The following AKR7A2 variants were observed in gnomAD, a reference collection of about 807,000 sequenced individuals.
The protein encoded by AKR7A2 is aldo-keto reductase family 7 member A2, also known as aflatoxin B1 aldehyde reductase member 2.
Under a neutral mutation model 37.3 loss-of-function variants are expected in AKR7A2, and 29 were observed. The observed-to-expected ratio is 0.78, with a 90% CI of 0.58 to 1.06. The LOEUF (loss-of-function observed/expected upper bound fraction) is 1.06. Among genes scored for constraint, AKR7A2 ranks in the 50% least tolerant of loss-of-function variants. The pLI, the probability that AKR7A2 is intolerant of heterozygous loss-of-function variation, is 0.00. For missense variants in AKR7A2, 529 were observed against 497.9 expected (o/e 1.06, Z -0.59); for synonymous variants, 228 against 217.8 (o/e 1.05, Z -0.41).
At chr1:19,306,858 G>C (rs2093762490) in intron 5 of AKR7A2, 144 bp downstream of exon 5, 1 of 751,730 alleles carries the variant, frequency 1.3e-6, no homozygotes, top group East Asian at 2.6e-5. Context: ...AAAACCCACA[G>C]AGGGCTTGGG....
At chr1:19,306,395 A>C (rs2093761722) in intron 5 of AKR7A2, among the ~76,000 whole-genome samples, 1 of 152,106 alleles carries the variant, frequency 6.6e-6, no homozygotes, top group Admixed American at 6.6e-5. Context: ...TTCCCTAGGG[A>C]CACGAAGGCT....
At chr1:19,311,715 G>T in intron 1 of AKR7A2, 112 bp downstream of exon 1, 1 of 1,382,380 alleles carries the variant, frequency 7.2e-7, no homozygotes, top group Non-Finnish European at 1.0e-6. Context: ...GGTGGGGAGC[G>T]AGGGACGAAT....
At position 19,312,044 on chromosome 1, in the gene AKR7A2, C is replaced by A. The variant is rs1167683980; in HGVS notation, c.81G>T (p.Ala27=). Residue 27 remains alanine, a synonymous_variant, in exon 1 of 7, where the codon GCG becomes GCT. Coordinates refer to ENST00000235835, the MANE Select transcript of AKR7A2 (RefSeq NM_003689.4). ...ALRSPPPEAR[A]LAMSRPPPPR... ...GTGGCGGTGGCCGGGACATGGCGAGCGCGCGGGCCTCGGGCGGCGGAGAGC... is the reference window on the plus strand; with the variant it reads ...GTGGCGGTGGCCGGGACATGGCGAGAGCGCGGGCCTCGGGCGGCGGAGAGC... 22 of 1,389,070 alleles carry A rather than the reference C, an allele frequency of 1.6e-5. No individual in the cohort carries two copies. Among genetic ancestry groups the A allele is most frequent in the Admixed American group, 1.5e-4 (4 of 27,512 alleles). 86.0% of individuals were successfully genotyped at this position (1,389,070 alleles called of 1,614,324 possible). A position where few individuals can be genotyped will look rare whatever the true frequency, so the allele number is the denominator to read the frequency against.
chr1:19,311,743 G>A, intron 1 of AKR7A2, 84 bp downstream of exon 1: 2 of 1,563,488 alleles, frequency 1.3e-6, no homozygotes, highest in East Asian at 2.3e-5. Context: ...TGCTGCCCGC[G>A]GCCGGGCCCG....
chr1:19,308,127 A>T, intron 3 of AKR7A2, 31 bp downstream of exon 3: 1 of 1,613,442 alleles, frequency 6.2e-7, no homozygotes, highest in Non-Finnish European at 8.5e-7. Context: ...GGAGTCCTGG[A>T]GACCTTGGCC....
At chr1:19,308,730 C>T in intron 1 of AKR7A2, 88 bp from the exon 2 acceptor site, 1 of 1,313,252 alleles carries the variant, frequency 7.6e-7, no homozygotes, top group Non-Finnish European at 1.1e-6. Flanking sequence ...ATTCTCTTGG[C>T]CTCAATTGTA....
In AKR7A2 at chr1:19,308,650, A is replaced by C. The variant is rs1461254124; in HGVS notation, c.299-8T>G. The stretch of plus-strand genomic sequence containing the variant: ...CCTTGGTGGCAATTTTCACTTGGAG[A>C]GAGAATGGAATGGTTAAGTGACCTA... On this transcript the variant is annotated splice_region_variant and splice_polypyrimidine_tract_variant and intron_variant, in intron 1 of 6. Coordinates refer to ENST00000235835, the MANE Select transcript of AKR7A2 (RefSeq NM_003689.4). The C allele has an allele frequency of 6.2e-7, 1 of 1,613,768 alleles. No homozygotes were observed. The highest frequency in any genetic ancestry group is 1.7e-5 in the Admixed American group (1 of 60,028).
At chr1:19,311,702 T>C (rs749126883) in intron 1 of AKR7A2, 125 bp downstream of exon 1, 68 of 1,233,796 alleles carry the variant, frequency 5.5e-5, no homozygotes, top group Non-Finnish European at 7.5e-5. Flanking sequence ...GGGGTGGACC[T>C]GGGGTGGGGA....
At chr1:19,303,886 A>C, downstream of AKR7A2, 1 of 377,500 alleles carries the variant, frequency 2.6e-6, no homozygotes, top group Non-Finnish European at 5.1e-6. Flanking sequence ...TGCCCTCTGA[A>C]GACTCCAGCC....
In AKR7A2 at chr1:19,308,701, C is replaced by A. The variant is rs72955249; in HGVS notation, c.299-59G>T. On this transcript the variant is annotated intron_variant, in intron 1 of 6. Coordinates refer to ENST00000235835, the MANE Select transcript of AKR7A2 (RefSeq NM_003689.4). ...TTAGAGCCATTTGCTAACCATGTAA[C>A]CCTGGCTAAATTACTAATATTCTCT... is the stretch of plus-strand genomic sequence containing the variant. 9.4e-3 allele frequency: 14,385 copies of A among 1,527,422 alleles called. 661 individuals carry two copies. In the African/African-American group the frequency reaches 0.11, roughly 12 times the overall value. 94.6% of individuals were successfully genotyped at this position (1,527,422 alleles called of 1,614,324 possible). A position where few individuals can be genotyped will look rare whatever the true frequency, so the allele number is the denominator to read the frequency against.
intron 1 of AKR7A2, 119 bp from the exon 2 acceptor site, chr1:19,308,761 T>C (rs145318733): frequency 2.9e-6 from 3 of 1,026,944 alleles, no homozygotes; most frequent in South Asian, 1.3e-5. Flanking sequence ...AATGGGGTGA[T>C]AATAATCAAA....
At chr1:19,309,848 G>A (rs1299758421) in intron 1 of AKR7A2, among the ~76,000 whole-genome samples, 1 of 152,068 alleles carries the variant, frequency 6.6e-6, no homozygotes, top group Non-Finnish European at 1.5e-5. Flanking sequence ...GCTGAAGTGG[G>A]TGGATCACCT....
In AKR7A2 at chr1:19,304,208, C is replaced by G. The variant is rs1487223540; in HGVS notation, c.*17G>C. On this transcript the variant is annotated 3_prime_UTR_variant, in exon 7 of 7. Transcript: ENST00000235835. ...GAGGTGACAGAAAAGCCTTGGGCAG[C>G]CTGAGCCATGATGGGCCTAGCGGAA... 1.9e-6 allele frequency: 3 copies of G among 1,614,186 alleles called. No individual in the cohort carries two copies. The highest frequency in any genetic ancestry group is 2.5e-6 in the Non-Finnish European group (3 of 1,180,028).
At chr1:19,306,935 C>T in intron 5 of AKR7A2, 67 bp downstream of exon 5, 1 of 1,403,078 alleles carries the variant, frequency 7.1e-7, no homozygotes, top group South Asian at 1.2e-5. Flanking sequence ...AGGAACAGCC[C>T]AGGACTTCAT....
intron 3 of AKR7A2, chr1:19,307,911 C>G (rs1417226513): frequency 3.5e-5 from 21 of 600,906 alleles, no homozygotes; most frequent in Non-Finnish European, 5.7e-5. Context: ...GTGTTCCAGG[C>G]TGAAGTATGA....
Position 19,311,836 on chromosome 1 carries a change from C to G in AKR7A2, c.289G>C (p.Asp97His). 1 of 1,610,274 alleles carries G rather than the reference C, an allele frequency of 6.2e-7. No homozygotes were observed. The highest frequency in any genetic ancestry group is 8.5e-7 in the Non-Finnish European group (1 of 1,179,500). Residue 97 changes from aspartate to histidine, a missense_variant, in exon 1 of 7, where the codon GAC becomes CAC. Physicochemically the swap from Asp to His is moderately conservative, Grantham distance 81 (BLOSUM62 -1). Coordinates refer to ENST00000235835, the MANE Select transcript of AKR7A2 (RefSeq NM_003689.4). ...CTGCAGCTACTGTTACCTCTGCAGTCGCCACCGCCCAGCCCGAGCCCCAGG... is the reference window on the plus strand; with the variant it reads ...CTGCAGCTACTGTTACCTCTGCAGTGGCCACCGCCCAGCCCGAGCCCCAGG... ...GGLGLGLGGG[D>H]CRVKIATKAN...
In AKR7A2 at chr1:19,305,983, A is replaced by C. The variant is rs1421088418; in HGVS notation, c.918+35T>G. Reference sequence around the variant, plus strand: ...TAAAGGTGACGCTGGTCCCCCTGGAAGGGAAGAAGCTGAGCACCCAGGGTC... The same window carrying C: ...TAAAGGTGACGCTGGTCCCCCTGGACGGGAAGAAGCTGAGCACCCAGGGTC... On this transcript the variant is annotated intron_variant, in intron 6 of 6. Coordinates refer to ENST00000235835, the MANE Select transcript of AKR7A2 (RefSeq NM_003689.4). 2.5e-6 allele frequency: 4 copies of C among 1,613,200 alleles called. No homozygotes were observed. In the South Asian group the frequency reaches 4.4e-5, roughly 18 times the overall value.
chr1:19,305,004 A>AT lies in AKR7A2; in HGVS notation c.919-619_919-618insA, dbSNP rs200854941. On this transcript the variant is annotated intron_variant, in intron 6 of 6. Transcript: ENST00000235835. The stretch of plus-strand genomic sequence containing the variant: ...GACATTCGATCTTTTTTTTTTTCAA[A>AT]CAAAAATATTTTTCCTTGTGTTTTG... 5.9e-3 allele frequency: 949 copies of AT among 160,420 alleles called. 8 individuals are homozygous for AT. Among genetic ancestry groups the AT allele is most frequent in the African/African-American group, 0.021 (881 of 41,526 alleles). 9.9% of individuals were successfully genotyped at this position (160,420 alleles called of 1,614,324 possible). A position where few individuals can be genotyped will look rare whatever the true frequency, so the allele number is the denominator to read the frequency against.
intron 5 of AKR7A2, 89 bp downstream of exon 5, chr1:19,306,913 A>T: frequency 8.8e-7 from 1 of 1,140,960 alleles, no homozygotes; most frequent in Non-Finnish European, 1.3e-6. Context: ...CAGCAAAGGA[A>T]GGTCTTACCT....
Sources: gnomAD v4.1 joint callset for allele counts (sites outside exome capture counted in the v4.1 genomes callset) on GRCh38, gnomAD v4.1.1 for gene constraint, MANE v1.5 for transcripts, NCBI Gene and HGNC (gene_info 2026-07-23, HGNC 2026-07-21) for gene names.